The following AHDC1 variants were observed in gnomAD, a reference collection of about 807,000 sequenced individuals.
AHDC1 encodes transcription factor Gibbin.
Under a neutral mutation model 87.9 loss-of-function variants are expected in AHDC1, and 7 were observed. The ratio of observed to expected loss-of-function variants is 0.08; its 90% CI spans 0.05 to 0.15. The LOEUF is 0.15. Ranked by LOEUF, AHDC1 falls within the 10% of genes least tolerant of loss-of-function variation. AHDC1 has a pLI of 1.00. For synonymous variants in AHDC1, 1,051 were observed against 1,006.8 expected, an observed-to-expected ratio of 1.04 and a Z score of -0.83; for missense variants, 1,841 against 2,253.2, an observed-to-expected ratio of 0.82 and a Z score of 3.70.
Position 27,587,009 on chromosome 1 carries a change from C to A in AHDC1, c.-629+16388G>T, listed in dbSNP as rs115818949. 8.3e-4 allele frequency among the ~76,000 whole-genome samples: 127 copies of A among 152,268 alleles called. 1 individual carries two copies. Among genetic ancestry groups the A allele is most frequent in the Middle Eastern group, 3.4e-3 (1 of 294 alleles). ...TGCCCCAAAATCCATCTCTGAGGAC[C>A]CCTCACTTTCCTCCACTTTTGGCTT... On this transcript the variant is annotated intron_variant, in intron 3 of 8. Transcript: ENST00000673934.
chr1:27,562,365 C>G lies in AHDC1; in HGVS notation c.-628-3482G>C, dbSNP rs1417041949. On this transcript the variant is annotated intron_variant, in intron 3 of 8. Coordinates refer to ENST00000673934, the MANE Select transcript of AHDC1 (RefSeq NM_001371928.1). The surrounding 1 kb of genome is among the most constrained non-coding windows in gnomAD (Gnocchi z 4.4). ...TGACTACCTGAGCTCCCGGCCCGCG[C>G]AGAGCTGCCCCGATTAATCCTGTGG... is the stretch of plus-strand genomic sequence containing the variant. Among the ~76,000 whole-genome samples, 1 of 152,168 alleles carries G rather than the reference C, an allele frequency of 6.6e-6. No homozygotes were observed. Among genetic ancestry groups the G allele is most frequent in the Non-Finnish European group, 1.5e-5 (1 of 68,022 alleles).
intron 7 of AHDC1, chr1:27,552,415 T>C (rs2019620830): frequency 2.9e-6 from 1 of 343,142 alleles, no homozygotes; most frequent in Non-Finnish European, 5.2e-6. Flanking sequence ...TTTTTTTTTT[T>C]TGGAAGAGAG....
chr1:27,573,886 C>G (rs575067351), intron 3 of AHDC1, among the ~76,000 whole-genome samples: 20 of 152,324 alleles, frequency 1.3e-4, no homozygotes, highest in African/African-American at 4.8e-4. Flanking sequence ...GGGTAATTTG[C>G]TCAAGTTCAC....
In AHDC1 at chr1:27,551,309, G is replaced by A. The variant is rs374019808; in HGVS notation, c.807C>T (p.Pro269=). ...LEAQALEPPS[P]EPEPQLLDPQ... is the part of the protein sequence containing the mutation. ...GGTCCAGGAGCTGAGGCTCCGGCTC[G>A]GGCGATGGTGGCTCGAGGGCCTGGG... The change falls in exon 8 of 9, where the codon CCC becomes CCT. Residue 269 remains proline (P), a synonymous_variant. Coordinates refer to ENST00000673934, the MANE Select transcript of AHDC1 (RefSeq NM_001371928.1). The A allele has an allele frequency of 3.6e-5, 58 of 1,611,662 alleles. No homozygotes were observed. The highest frequency in any genetic ancestry group is 1.6e-4 in the African/African-American group (12 of 74,908).
At chr1:27,542,104 C>T (rs1296384995) in intron 8 of AHDC1, among the ~76,000 whole-genome samples, 2 of 152,208 alleles carry the variant, frequency 1.3e-5, no homozygotes, top group African/African-American at 2.4e-5. Context: ...CCAGCACAAA[C>T]GCAGTGCACT....
intron 3 of AHDC1, among the ~76,000 whole-genome samples, chr1:27,585,113 A>C (rs756515244): frequency 6.6e-6 from 1 of 151,910 alleles, no homozygotes; most frequent in Non-Finnish European, 1.5e-5. Flanking sequence ...AACACAAAAA[A>C]TTAGGCAGGT....
In AHDC1 at chr1:27,550,076, C is replaced by T; in HGVS notation, c.2040G>A (p.Gly680=). The T allele has an allele frequency of 1.2e-6, 2 of 1,608,240 alleles. No homozygotes were observed. The highest frequency in any genetic ancestry group is 4.5e-5 in the East Asian group (2 of 44,744). The change falls in exon 8 of 9, where the codon GGG becomes GGA. Residue 680 remains glycine, a synonymous_variant. Transcript: ENST00000673934. ...ATCGGGCTGACTTGGCCGCATGGCCCCCACCCCGGCCACCAAAACCGCCTG... is the reference window on the plus strand; with the variant it reads ...ATCGGGCTGACTTGGCCGCATGGCCTCCACCCCGGCCACCAAAACCGCCTG... ...GKAGGFGGRG[G]GHAAKSARCS... is the part of the protein sequence containing the mutation.
intron 7 of AHDC1, 105 bp downstream of exon 7, chr1:27,552,787 C>T (rs2019639077): frequency 6.5e-6 from 1 of 152,734 alleles, no homozygotes; most frequent in Admixed American, 6.5e-5. Context: ...GGAAGCACAT[C>T]AGCAGGGTGA....
In AHDC1 at chr1:27,561,026, C is replaced by T. The variant is rs904166275; in HGVS notation, c.-628-2143G>A. Among the ~76,000 whole-genome samples, 1 of 152,126 alleles carries T rather than the reference C, an allele frequency of 6.6e-6. No individual in the cohort carries two copies. The highest frequency in any genetic ancestry group is 2.4e-5 in the African/African-American group (1 of 41,404). On this transcript the variant is annotated intron_variant, in intron 3 of 8. Transcript: ENST00000673934. This position sits in a 1 kb window ranked among gnomAD's most constrained non-coding sequence, Gnocchi z 4.2. ...AAGCCTGGATTAGGGACAATTTATC[C>T]ACAGGCAGAGAAGGAGAATTCCAAC... is the stretch of plus-strand genomic sequence containing the variant.
chr1:27,579,783 T>G (rs992939440), intron 3 of AHDC1, among the ~76,000 whole-genome samples: 10 of 152,246 alleles, frequency 6.6e-5, no homozygotes, highest in African/African-American at 2.4e-4. Context: ...AGTTAAGTAC[T>G]ACTCATGACA....
At chr1:27,538,400 C>CAAACAAAAAAAAAAAAAAAAAAAAAAAA (rs2018744417) in intron 8 of AHDC1, among the ~76,000 whole-genome samples, 1 of 60,704 alleles carries the variant, frequency 1.6e-5, no homozygotes, top group African/African-American at 5.2e-5. Flanking sequence ...AAGACTGTCT[C>CAAACAAAAAAAAAAAAAAAAAAAAAAAA]AAAAAAAAAA....
At position 27,598,373 on chromosome 1, in the gene AHDC1, G is replaced by T. The variant is rs2148496428; in HGVS notation, c.-629+5024C>A. On this transcript the variant is annotated intron_variant, in intron 3 of 8. Coordinates refer to ENST00000673934, the MANE Select transcript of AHDC1 (RefSeq NM_001371928.1). This position sits in a 1 kb window ranked among gnomAD's most constrained non-coding sequence, Gnocchi z 4.2. Reference sequence around the variant, plus strand: ...CTCTCACTTCACCATTGCCCCCGGAGCCAGGCCCTGCAGGAGAGGGATCCT... The same window carrying T: ...CTCTCACTTCACCATTGCCCCCGGATCCAGGCCCTGCAGGAGAGGGATCCT... Among the ~76,000 whole-genome samples, 1 of 152,340 alleles carries T rather than the reference G, an allele frequency of 6.6e-6. No homozygotes were observed. Among genetic ancestry groups the T allele is most frequent in the East Asian group, 1.9e-4 (1 of 5,190 alleles).
Position 27,542,513 on chromosome 1 carries a change from T to C in AHDC1, c.*43+4748A>G, listed in dbSNP as rs1432124573. Among the ~76,000 whole-genome samples the C allele has an allele frequency of 3.3e-5, 5 of 152,216 alleles. No individual in the cohort carries two copies. In the South Asian group the frequency reaches 8.3e-4, roughly 25 times the overall value. On this transcript the variant is annotated intron_variant, in intron 8 of 8. Coordinates refer to ENST00000673934, the MANE Select transcript of AHDC1 (RefSeq NM_001371928.1). The stretch of plus-strand genomic sequence containing the variant: ...CCGGAGTTCAGCCTCTGTCGGGTAT[T>C]TACCTACCCATCACCAGCCGCTGAC...
At chr1:27,544,549 C>T (rs879679051) in intron 8 of AHDC1, among the ~76,000 whole-genome samples, 8 of 152,244 alleles carry the variant, frequency 5.3e-5, no homozygotes, top group African/African-American at 1.7e-4. Context: ...AAACTGCTCA[C>T]TGCTATTGGT....
intron 5 of AHDC1, among the ~76,000 whole-genome samples, chr1:27,553,864 G>A (rs528853695): frequency 1.2e-4 from 19 of 152,060 alleles, no homozygotes; most frequent in Non-Finnish European, 2.6e-4. Context: ...CCAGGAGTTC[G>A]AGACCAGCCT....
chr1:27,563,130 C>T lies in AHDC1; in HGVS notation c.-628-4247G>A, dbSNP rs1454102237. 6.6e-6 allele frequency among the ~76,000 whole-genome samples: 1 copy of T among 152,012 alleles called. No homozygotes were observed. Among genetic ancestry groups the T allele is most frequent in the African/African-American group, 2.4e-5 (1 of 41,358 alleles). On this transcript the variant is annotated intron_variant, in intron 3 of 8. Transcript: ENST00000673934. This position sits in a 1 kb window ranked among gnomAD's most constrained non-coding sequence, Gnocchi z 6.1. ...TGACCAAGACACACACACACGCACGCACGCATGCATGCACACACCCACACA... is the reference window on the plus strand; with the variant it reads ...TGACCAAGACACACACACACGCACGTACGCATGCATGCACACACCCACACA...
rs1230815765 is a variant in AHDC1 at position 27,561,583 on chromosome 1, CAT to C, written c.-628-2702_-628-2701del. 1.3e-5 allele frequency among the ~76,000 whole-genome samples: 2 copies of C among 152,106 alleles called. No homozygotes were observed. The highest frequency in any genetic ancestry group is 6.5e-5 in the Admixed American group (1 of 15,280). On this transcript the variant is annotated intron_variant, in intron 3 of 8. Transcript: ENST00000673934. This position sits in a 1 kb window ranked among gnomAD's most constrained non-coding sequence, Gnocchi z 4.2. The stretch of plus-strand genomic sequence containing the variant: ...GTGCTCCAGGCGCAAGGCAGAATCA[CAT>C]GTTTCCCATTAGCTGCTCTGGCCTC...
rs573005426 is a variant in AHDC1, at chr1:27,593,299, A to G, written c.-629+10098T>C. Among the ~76,000 whole-genome samples the G allele has an allele frequency of 6.6e-6, 1 of 151,292 alleles. No individual in the cohort carries two copies. The highest frequency in any genetic ancestry group is 1.5e-5 in the Non-Finnish European group (1 of 67,808). On this transcript the variant is annotated intron_variant, in intron 3 of 8. Transcript: ENST00000673934. The surrounding 1 kb of genome is among the most constrained non-coding windows in gnomAD (Gnocchi z 4.9). ...CTGCCCGCTCCACAGGGTTCCAGAG[A>G]CCCTCCTGCCTGCAGCAATCTTTAA...
chr1:27,588,731 C>T (rs1571331581), intron 3 of AHDC1, among the ~76,000 whole-genome samples: 1 of 152,096 alleles, frequency 6.6e-6, no homozygotes, highest in East Asian at 1.9e-4. Context: ...GTGAATTGGC[C>T]TGTGTGAGAA....
Sources: allele counts gnomAD v4.1 joint callset (sites outside exome capture counted in the v4.1 genomes callset), GRCh38; gene constraint gnomAD v4.1.1; non-coding constraint Gnocchi (gnomAD v3.1); transcripts MANE v1.5; gene names NCBI Gene and HGNC (gene_info 2026-07-23, HGNC 2026-07-21).